MROH1: variants seen among roughly 807,000 people sequenced by gnomAD.
MROH1 encodes the protein maestro heat-like repeat-containing protein family member 1.
Under a neutral mutation model 116.5 loss-of-function variants are expected in MROH1, and 117 were observed. The ratio of observed to expected loss-of-function variants is 1.00; its 90% CI spans 0.86 to 1.17. MROH1 has a LOEUF of 1.17. Among genes scored for constraint, MROH1 ranks in the 50% most tolerant of loss-of-function variants. The probability of loss-of-function intolerance (pLI) is 0.00; values close to 1 mark genes in which losing one functional copy is unlikely to be tolerated. For synonymous variants in MROH1, 921 were observed against 583.9 expected (o/e 1.58, Z -8.32); for missense variants, 1,873 against 1,338.5 (o/e 1.40, Z -6.23).
intron 7 of MROH1, among the ~76,000 whole-genome samples, chr8:144,187,809 C>T (rs935599194): frequency 5.9e-5 from 9 of 152,166 alleles, no homozygotes; most frequent in African/African-American, 1.2e-4. Context: ...GTCTGGGTGG[C>T]GCTTCTCAGG....
At chr8:144,168,013 C>T (rs1821372574) in intron 3 of MROH1, among the ~76,000 whole-genome samples, 4 of 152,182 alleles carry the variant, frequency 2.6e-5, no homozygotes, top group South Asian at 2.1e-4. Context: ...CTGTGTCGCT[C>T]AACCCTGATG....
chr8:144,244,360 G>A (rs1409691670), intron 27 of MROH1, 24 bp downstream of exon 27: 2 of 721,452 alleles, frequency 2.8e-6, no homozygotes, highest in African/African-American at 3.5e-5. Flanking sequence ...TCCCTTGCCT[G>A]TGTCCACATC....
At chr8:144,216,670 CAT>C (rs1390738918) in intron 12 of MROH1, among the ~76,000 whole-genome samples, 1 of 149,304 alleles carries the variant, frequency 6.7e-6, no homozygotes, top group Non-Finnish European at 1.5e-5. Flanking sequence ...AATGGTATGT[CAT>C]ATTTTTTACT....
At chr8:144,259,500 C>T (rs1215841577) in intron 37 of MROH1, 146 bp downstream of exon 37, 14 of 678,848 alleles carry the variant, frequency 2.1e-5, no homozygotes, top group African/African-American at 3.5e-5. Context: ...CCTCCTCCCC[C>T]ATGCCAGAAC....
At chr8:144,168,780 G>T (rs180782545) in intron 4 of MROH1, among the ~76,000 whole-genome samples, 1 of 152,204 alleles carries the variant, frequency 6.6e-6, no homozygotes, top group African/African-American at 2.4e-5. Context: ...GGGACAGAAG[G>T]TTGTTTCTGA....
In MROH1 at chr8:144,175,280, A is replaced by G. The variant is rs570883658; in HGVS notation, c.169-4175A>G. 4.3e-4 allele frequency: 247 copies of G among 573,818 alleles called. No homozygotes were observed. In the African/African-American group the frequency reaches 5.1e-3, roughly 12 times the overall value. 35.5% of individuals were successfully genotyped at this position (573,818 alleles called of 1,614,324 possible). Reference sequence around the variant, plus strand: ...TGGGTATAAATGCCCTGCTGCACCCAAGCTGCCCCTCCCAGCAACGGGTCC... The same window carrying G: ...TGGGTATAAATGCCCTGCTGCACCCGAGCTGCCCCTCCCAGCAACGGGTCC... On this transcript the variant is annotated intron_variant, in intron 4 of 43. Coordinates refer to ENST00000326134, the MANE Select transcript of MROH1 (RefSeq NM_032450.3).
chr8:144,186,120 A>AT (rs35879853), intron 7 of MROH1, among the ~76,000 whole-genome samples: 118,116 of 137,264 alleles, frequency 0.86, 52,393 homozygotes, highest in East Asian at 0.99. Context: ...ACAGTTTCCA[A>AT]TTTTTTTTTT....
intron 13 of MROH1, among the ~76,000 whole-genome samples, chr8:144,221,270 C>T (rs1411739017): frequency 6.6e-6 from 1 of 152,236 alleles, no homozygotes; most frequent in East Asian, 1.9e-4. Context: ...TAGCCTCCAC[C>T]TGTCACATGA....
chr8:144,224,907 C>T (rs949965293), intron 14 of MROH1, among the ~76,000 whole-genome samples: 11 of 152,010 alleles, frequency 7.2e-5, no homozygotes, highest in African/African-American at 1.7e-4. Flanking sequence ...CAGGGAGCCT[C>T]GCCTGGATGT....
intron 2 of MROH1, among the ~76,000 whole-genome samples, chr8:144,161,922 G>A (rs1439800369): frequency 6.6e-6 from 1 of 152,152 alleles, no homozygotes; most frequent in African/African-American, 2.4e-5. Flanking sequence ...GGGAACTCTG[G>A]CTTGTGATGC....
chr8:144,232,017 T>C (rs1246556091), intron 14 of MROH1, among the ~76,000 whole-genome samples: 1 of 152,224 alleles, frequency 6.6e-6, no homozygotes, highest in Non-Finnish European at 1.5e-5. Flanking sequence ...ATGTTGGTTC[T>C]TTCTTTATGC....
At chr8:144,203,624 A>G (rs1832186342) in intron 12 of MROH1, among the ~76,000 whole-genome samples, 2 of 152,090 alleles carry the variant, frequency 1.3e-5, no homozygotes, top group South Asian at 2.1e-4. Context: ...GCTTCCACAC[A>G]GAGGGGCTGC....
At chr8:144,190,715 C>G in intron 7 of MROH1, 69 bp from the exon 8 acceptor site, 1 of 1,564,330 alleles carries the variant, frequency 6.4e-7, no homozygotes, top group South Asian at 1.2e-5. Context: ...GGGCAGGAGG[C>G]AGACATAGGT....
At chr8:144,253,212 G>A (rs1195146747) in intron 33 of MROH1, among the ~76,000 whole-genome samples, 2 of 151,996 alleles carry the variant, frequency 1.3e-5, no homozygotes, top group African/African-American at 4.8e-5. Context: ...CGTGAGCTAA[G>A]GATGGGTTCT....
rs548492640 is a variant in MROH1, at chr8:144,163,083, C to T, written c.-56-688C>T. Among the ~76,000 whole-genome samples, 63 of 152,292 alleles carry T rather than the reference C, an allele frequency of 4.1e-4. No individual in the cohort carries two copies. Among genetic ancestry groups the T allele is most frequent in the African/African-American group, 1.4e-3 (59 of 41,556 alleles). Reference sequence around the variant, plus strand: ...TGTGTGCACAGCGCAGGGAGGTGTCCTGGCTGGTCAGGGATGGGTCATGGT... The same window carrying T: ...TGTGTGCACAGCGCAGGGAGGTGTCTTGGCTGGTCAGGGATGGGTCATGGT... On this transcript the variant is annotated intron_variant, in intron 2 of 43. Coordinates refer to ENST00000326134, the MANE Select transcript of MROH1 (RefSeq NM_032450.3). The surrounding 1 kb of genome is among the most constrained non-coding windows in gnomAD (Gnocchi z 4.4).
rs1844517126 is a variant in MROH1 at position 144,259,296 on chromosome 8, G to A, written c.3986G>A (p.Cys1329Tyr). The A allele has an allele frequency of 4.2e-6, 3 of 714,950 alleles. No homozygotes were observed. The African/African-American group carries it at 5.2e-5, about 13-fold the overall frequency. 44.3% of individuals were successfully genotyped at this position (714,950 alleles called of 1,614,324 possible). Residue 1329 changes from cysteine (C) to tyrosine (Y), a missense_variant, in exon 37 of 44, where the codon TGC becomes TAC. Transcript: ENST00000326134. ...CCCCTGGTGCTGAAGACGCTGGCAT[G>A]CACACACAGCAGTGCGTATGAGAAC... Reference protein sequence around the residue: ...RLPLVLKTLACTHSSAYENQR... With the variant: ...RLPLVLKTLAYTHSSAYENQR...
intron 7 of MROH1, among the ~76,000 whole-genome samples, chr8:144,190,256 G>A (rs976606952): frequency 6.6e-6 from 1 of 152,150 alleles, no homozygotes. Flanking sequence ...GGCCAGGCGC[G>A]GTGGCTGATG....
intron 14 of MROH1, among the ~76,000 whole-genome samples, chr8:144,224,542 C>G: frequency 6.6e-6 from 1 of 152,238 alleles, no homozygotes; most frequent in Non-Finnish European, 1.5e-5. Context: ...CTAGGATTAC[C>G]GGTGTGTGCC....
At chr8:144,188,020 G>A (rs1038955753) in intron 7 of MROH1, among the ~76,000 whole-genome samples, 2 of 152,208 alleles carry the variant, frequency 1.3e-5, no homozygotes, top group Non-Finnish European at 2.9e-5. Flanking sequence ...TGAAACAGTT[G>A]CCCAAGCATG....
Sources: gnomAD v4.1 joint callset for allele counts (sites outside exome capture counted in the v4.1 genomes callset) on GRCh38, gnomAD v4.1.1 for gene constraint, Gnocchi (gnomAD v3.1) non-coding constraint, MANE v1.5 for transcripts, NCBI Gene and HGNC (gene_info 2026-07-23, HGNC 2026-07-21) for gene names.